Variants in ACE observed in about 807,000 individuals in gnomAD.
ACE encodes angiotensin I converting enzyme, also known as angiotensin-converting enzyme.
Under a neutral mutation model 162.3 loss-of-function variants are expected in ACE, and 122 were observed. The observed-to-expected ratio is 0.75, with a 90% CI of 0.65 to 0.87. ACE has a LOEUF of 0.87. Ranked by LOEUF, ACE falls within the 40% of genes least tolerant of loss-of-function variation. The probability of loss-of-function intolerance (pLI) is 0.00; values close to 1 mark genes in which losing one functional copy is unlikely to be tolerated. For missense variants in ACE, 1,799 were observed against 1,735.1 expected, an observed-to-expected ratio of 1.04 and a Z score of -0.65; for synonymous variants, 796 against 720.6, an observed-to-expected ratio of 1.10 and a Z score of -1.68.
In ACE at chr17:63,489,074, C is replaced by T. The variant is rs143699430; in HGVS notation, c.2583C>T (p.His861=). ...ATGCCTACGTGCGCCGGGCCCTGCA[C>T]CGTCACTACGGGGCCCAGCACATCA... ...NLHAYVRRAL[H]RHYGAQHINL... The change falls in exon 17 of 25, where the codon CAC becomes CAT. Residue 861 remains histidine (H), a synonymous_variant. Coordinates refer to ENST00000290866, the MANE Select transcript of ACE (RefSeq NM_000789.4). The T allele has an allele frequency of 1.1e-5, 17 of 1,613,726 alleles. No individual in the cohort carries two copies. Among genetic ancestry groups the T allele is most frequent in the Non-Finnish European group, 1.3e-5 (15 of 1,180,054 alleles).
Position 63,491,182 on chromosome 17 carries a change from T to G in ACE, c.2740-27T>G, listed in dbSNP as rs753520763. ...CGCAGTCTGTCCCCGGAACCCCCAGTTTGGGCAGAACTCCCTCTGCTTGCA... is the reference window on the plus strand; with the variant it reads ...CGCAGTCTGTCCCCGGAACCCCCAGGTTGGGCAGAACTCCCTCTGCTTGCA... On this transcript the variant is annotated intron_variant, in intron 18 of 24. Coordinates refer to ENST00000290866, the MANE Select transcript of ACE (RefSeq NM_000789.4). This position sits in a 1 kb window ranked among gnomAD's most constrained non-coding sequence, Gnocchi z 4.4. The G allele has an allele frequency of 8.7e-6, 14 of 1,613,420 alleles. No homozygotes were observed. Among genetic ancestry groups the G allele is most frequent in the African/African-American group, 1.3e-5 (1 of 74,892 alleles).
rs762473590 is a variant in ACE, at chr17:63,493,926, T to C, written c.3141T>C (p.His1047=). ...CTGGGCTCCCTTCCCTTGCAGAGCA[T>C]GACATCAACTTTCTGATGAAGATGG... is the stretch of plus-strand genomic sequence containing the variant. The part of the protein sequence containing the change: ...LLSSEGGSDE[H]DINFLMKMAL... The change falls in exon 21 of 25, where the codon CAT becomes CAC. Residue 1047 remains histidine (H), a synonymous_variant. Coordinates refer to ENST00000290866, the MANE Select transcript of ACE (RefSeq NM_000789.4). 3 of 1,614,040 alleles carry C rather than the reference T, an allele frequency of 1.9e-6. No individual in the cohort carries two copies. Among genetic ancestry groups the C allele is most frequent in the South Asian group, 1.1e-5 (1 of 91,078 alleles).
At chr17:63,493,774 C>G (rs13306084) in intron 20 of ACE, 115 bp downstream of exon 20, 1 of 1,516,110 alleles carries the variant, frequency 6.6e-7, no homozygotes, top group East Asian at 2.3e-5. Flanking sequence ...GCAGAGCAAT[C>G]GGAAGGAAGG....
Position 63,484,351 on chromosome 17 carries a change from C to T in ACE, c.1731C>T (p.Ser577=), listed in dbSNP as rs939614410. 2 of 1,611,142 alleles carry T rather than the reference C, an allele frequency of 1.2e-6. No individual in the cohort carries two copies. The highest frequency in any genetic ancestry group is 1.3e-5 in the African/African-American group (1 of 74,994). ...AKLRKVLQAG[S]SRPWQEVLKD... is the part of the protein sequence containing the mutation. ...CCAGGAAGGTGCTGCAGGCTGGCTC[C>T]TCCAGGCCCTGGCAGGAGGTGCTGA... is the stretch of plus-strand genomic sequence containing the variant. The change falls in exon 12 of 25, where the codon TCC becomes TCT. Residue 577 remains serine (S), a synonymous_variant. Coordinates refer to ENST00000290866, the MANE Select transcript of ACE (RefSeq NM_000789.4). The surrounding 1 kb of genome is among the most constrained non-coding windows in gnomAD (Gnocchi z 4.0).
intron 22 of ACE, chr17:63,496,075 C>T: frequency 2.4e-6 from 1 of 421,966 alleles, no homozygotes; most frequent in South Asian, 2.1e-5. Context: ...GGATGGAGAC[C>T]TCACTGCCTC....
chr17:63,483,895 TG>T lies in ACE; in HGVS notation c.1634del (p.Cys545SerfsTer41). 1 of 1,614,128 alleles carries T rather than the reference TG, an allele frequency of 6.2e-7. No individual in the cohort carries two copies. Among genetic ancestry groups the T allele is most frequent in the Non-Finnish European group, 8.5e-7 (1 of 1,180,030 alleles). On this transcript the variant is annotated frameshift_variant, in exon 11 of 25. Coordinates refer to ENST00000290866, the MANE Select transcript of ACE (RefSeq NM_000789.4). LOFTEE classifies it high-confidence loss of function. ...VLQFQFHEAL[C>X]KEAGYEGPLH... ...GCAGTTCCAGTTCCATGAAGCCCTGTGCAAGGAGGCAGGCTATGAGGGCCCA... is the reference window on the plus strand; with the variant it reads ...GCAGTTCCAGTTCCATGAAGCCCTGTCAAGGAGGCAGGCTATGAGGGCCCA...
At chr17:63,487,310 G>A (rs2030022175) in intron 15 of ACE, among the ~76,000 whole-genome samples, 1 of 152,046 alleles carries the variant, frequency 6.6e-6, no homozygotes, top group African/African-American at 2.4e-5. Flanking sequence ...CTGCTTAAGG[G>A]TGTCCACTCT....
rs368265670 is a variant in ACE, at chr17:63,477,250, C to A, written c.156C>A (p.Ser52Arg). ...CCGGGGCGCAGCTCTTCGCGCAGAG[C>A]TACAACTCCAGCGCCGAACAGGTGC... is the stretch of plus-strand genomic sequence containing the variant. ...DEAGAQLFAQ[S>R]YNSSAEQVLF... The change falls in exon 1 of 25, where the codon AGC becomes AGA. Residue 52 changes from serine to arginine, a missense_variant. By Grantham distance (110) the Ser-to-Arg change is moderately radical (BLOSUM62 -1). Coordinates refer to ENST00000290866, the MANE Select transcript of ACE (RefSeq NM_000789.4). 197 of 1,504,980 alleles carry A rather than the reference C, an allele frequency of 1.3e-4. No homozygotes were observed. The African/African-American group carries it at 2.4e-3, about 18-fold the overall frequency. The allele number at this position is 1,504,980 out of a possible 1,614,324, so 93.2% of individuals were successfully genotyped here.
chr17:63,477,786 C>T (rs983049807), intron 1 of ACE, 145 bp from the exon 2 acceptor site: 1 of 977,240 alleles, frequency 1.0e-6, no homozygotes, highest in Admixed American at 2.7e-5. Flanking sequence ...CTTCCGCAAA[C>T]TAAGGTCTCC....
rs967402911 is a variant in ACE, at chr17:63,483,340, G to A, written c.1488-120G>A. The A allele has an allele frequency of 2.7e-5, 39 of 1,460,654 alleles. No individual in the cohort carries two copies. The East Asian group carries it at 8.4e-4, about 31-fold the overall frequency. The allele number at this position is 1,460,654 out of a possible 1,614,324, so 90.5% of individuals were successfully genotyped here. On this transcript the variant is annotated intron_variant, in intron 9 of 24. Transcript: ENST00000290866. ...TGCCTGAAACTCCCTCTTCCAGGAA[G>A]TCTTCCCCAGTTCCTCAGGATGGGG...
rs761795254 is a variant in ACE, at chr17:63,493,472, G to A, written c.2949G>A (p.Leu983=). Reference sequence around the variant, plus strand: ...GCACCACCGTGAACTTGGAGGACCTGGTGGTGGCCCACCACGAAATGGGCC... The same window carrying A: ...GCACCACCGTGAACTTGGAGGACCTAGTGGTGGCCCACCACGAAATGGGCC... ...KQCTTVNLED[L]VVAHHEMGHI... The change falls in exon 20 of 25, where the codon CTG becomes CTA. Residue 983 remains leucine (L), a synonymous_variant. Coordinates refer to ENST00000290866, the MANE Select transcript of ACE (RefSeq NM_000789.4). 2 of 1,614,008 alleles carry A rather than the reference G, an allele frequency of 1.2e-6. No individual in the cohort carries two copies. The highest frequency in any genetic ancestry group is 4.5e-5 in the East Asian group (2 of 44,872).
Position 63,483,138 on chromosome 17 carries a change from C to G in ACE, c.1452C>G (p.Pro484=), listed in dbSNP as rs758865144. Residue 484 remains proline (P), a synonymous_variant, in exon 9 of 25, where the codon CCC becomes CCG. Coordinates refer to ENST00000290866, the MANE Select transcript of ACE (RefSeq NM_000789.4). ...WRWGVFSGRT[P]PSRYNFDWWY... The stretch of plus-strand genomic sequence containing the variant: ...GGGGGGTCTTTAGTGGGCGTACCCC[C>G]CCTTCCCGCTACAACTTCGACTGGT... 2 of 1,613,998 alleles carry G rather than the reference C, an allele frequency of 1.2e-6. No individual in the cohort carries two copies. The highest frequency in any genetic ancestry group is 1.3e-5 in the African/African-American group (1 of 74,932).
In ACE at chr17:63,487,091, G is replaced by A; in HGVS notation, c.2305+18G>A. ...CGAGCCAGGTGAGAGCTCATGTGCA[G>A]GCTGAGTGAGAGGCGAGGGCTGGGA... On this transcript the variant is annotated intron_variant, in intron 15 of 24. Transcript: ENST00000290866. 1 of 1,611,342 alleles carries A rather than the reference G, an allele frequency of 6.2e-7. No homozygotes were observed. The highest frequency in any genetic ancestry group is 1.3e-5 in the African/African-American group (1 of 75,008).
chr17:63,479,422 C>T (rs1343841842), intron 3 of ACE, among the ~76,000 whole-genome samples: 2 of 152,170 alleles, frequency 1.3e-5, no homozygotes, highest in African/African-American at 2.4e-5. Context: ...GCCAGGGACC[C>T]CTCGTGGCTT....
At position 63,485,371 on chromosome 17, in the gene ACE, TG is replaced by T; in HGVS notation, c.2058+1del. 6.2e-7 allele frequency: 1 copy of T among 1,613,562 alleles called. No individual in the cohort carries two copies. Among genetic ancestry groups the T allele is most frequent in the Non-Finnish European group, 8.5e-7 (1 of 1,179,868 alleles). On this transcript the variant is annotated frameshift_variant and splice_region_variant, in exon 13 of 25. Transcript: ENST00000290866. LOFTEE classifies it high-confidence loss of function. ...ATCACCACAGAGACCAGCAAGATTC[TG>T]GTGGGAGCCACCTCCCCACCCCCAA... ...TNITTETSKI[L>X]LQKNMQIANH...
intron 20 of ACE, 91 bp from the exon 21 acceptor site, chr17:63,493,831 T>G: frequency 6.3e-7 from 1 of 1,593,692 alleles, no homozygotes; most frequent in Non-Finnish European, 8.6e-7. Flanking sequence ...GCCCAAAAGG[T>G]ACAGCACCCC....
At chr17:63,483,368 G>C in intron 9 of ACE, 92 bp from the exon 10 acceptor site, 2 of 1,464,404 alleles carry the variant, frequency 1.4e-6, no homozygotes, top group Non-Finnish European at 1.9e-6. Context: ...GGATGGGGAA[G>C]GGTTGCCGGG....
Position 63,491,393 on chromosome 17 carries a change from T to C in ACE, c.2912+12T>C, listed in dbSNP as rs1211858306. On this transcript the variant is annotated intron_variant, in intron 19 of 24. Coordinates refer to ENST00000290866, the MANE Select transcript of ACE (RefSeq NM_000789.4). The surrounding 1 kb of genome is among the most constrained non-coding windows in gnomAD (Gnocchi z 4.4). ...GGCAAGGACTTCCGGTACATCCAGC[T>C]AGGGCTCAGGTCTCGTTCCTGAGCC... The C allele has an allele frequency of 6.2e-7, 1 of 1,614,034 alleles. No homozygotes were observed. Among genetic ancestry groups the C allele is most frequent in the African/African-American group, 1.3e-5 (1 of 75,018 alleles).
intron 13 of ACE, 129 bp downstream of exon 13, chr17:63,485,501 C>T (rs1345520570): frequency 7.2e-7 from 1 of 1,388,438 alleles, no homozygotes; most frequent in East Asian, 2.5e-5. Context: ...CAATTTCGGG[C>T]CGGGCGCGGT....
Sources: gnomAD v4.1 joint callset for allele counts (sites outside exome capture counted in the v4.1 genomes callset) on GRCh38, gnomAD v4.1.1 for gene constraint, Gnocchi (gnomAD v3.1) non-coding constraint, MANE v1.5 for transcripts, NCBI Gene and HGNC (gene_info 2026-07-23, HGNC 2026-07-21) for gene names.